AK9: variants seen among roughly 807,000 people sequenced by gnomAD.
AK9 encodes the protein adenylate kinase 9.
A neutral mutation model predicts 239.6 loss-of-function variants in AK9; 191 were observed. That is an observed-to-expected ratio of 0.80 (90% confidence interval 0.71 to 0.90). The LOEUF is 0.90. Among genes scored for constraint, AK9 ranks in the 40% least tolerant of loss-of-function variants. AK9 has a pLI of 0.00. For missense variants in AK9, 1,995 were observed against 2,214.7 expected (o/e 0.90, Z 1.99); for synonymous variants, 689 against 721.0 (o/e 0.96, Z 0.71).
At position 109,506,407 on chromosome 6, in the gene AK9, C is replaced by T. The variant is rs376816025; in HGVS notation, c.4769G>A (p.Trp1590Ter). 1 of 1,613,676 alleles carries T rather than the reference C, an allele frequency of 6.2e-7. No individual in the cohort carries two copies. The highest frequency in any genetic ancestry group is 8.5e-7 in the Non-Finnish European group (1 of 1,179,952). ...WYVIDGFHSK[W>*]WVWNEVIKNV... The stretch of plus-strand genomic sequence containing the variant: ...CTTAATGACTTCATTCCATACCCAC[C>T]ATTTGCTGTGAAATCCATCAATCAC... Residue 1590 changes from tryptophan to a stop codon, truncating the protein, a stop_gained, in exon 35 of 41, where the codon TGG (tryptophan) becomes TAG (stop). Transcript: ENST00000424296. LOFTEE classifies it high-confidence loss of function.
chr6:109,555,143 G>T (rs775153909), intron 24 of AK9, among the ~76,000 whole-genome samples: 1 of 152,104 alleles, frequency 6.6e-6, no homozygotes, highest in Non-Finnish European at 1.5e-5. Context: ...TCTGATGTGG[G>T]CATTTAGTGC....
chr6:109,582,673 T>G (rs1246646602), intron 19 of AK9, among the ~76,000 whole-genome samples: 2 of 152,146 alleles, frequency 1.3e-5, no homozygotes, highest in African/African-American at 4.8e-5. Flanking sequence ...AACAAAAAAT[T>G]TAGAATACCA....
intron 17 of AK9, among the ~76,000 whole-genome samples, chr6:109,603,802 A>G (rs1012581190): frequency 7.2e-5 from 11 of 152,124 alleles, no homozygotes; most frequent in African/African-American, 1.4e-4. Context: ...TCACTGGCAC[A>G]TTGCAGTTCG....
At chr6:109,663,145 T>G (rs1800660589) in intron 5 of AK9, among the ~76,000 whole-genome samples, 1 of 152,182 alleles carries the variant, frequency 6.6e-6, no homozygotes, top group Admixed American at 6.5e-5. Flanking sequence ...ATTTTCTGTT[T>G]TTTAAACAGC....
chr6:109,600,506 C>A (rs570652712), intron 17 of AK9, among the ~76,000 whole-genome samples: 1 of 152,188 alleles, frequency 6.6e-6, no homozygotes, highest in South Asian at 2.1e-4. Context: ...ATTTTTGCAT[C>A]GATGTTCATC....
Position 109,672,158 on chromosome 6 carries a change from A to G in AK9, c.191T>C (p.Ile64Thr). 1.9e-6 allele frequency: 3 copies of G among 1,612,594 alleles called. No homozygotes were observed. The highest frequency in any genetic ancestry group is 2.5e-6 in the Non-Finnish European group (3 of 1,179,242). ...TTCAGCAGCAATCTGTTCTTCTAAA[A>G]TTGGCAAAGCTAAAACATGAATTCA... ...WKCIRVEALPILEEQIAAETE... is the reference protein window; with the variant it reads ...WKCIRVEALPTLEEQIAAETE... Residue 64 changes from isoleucine to threonine, a missense_variant, in exon 4 of 41, where the codon ATT (isoleucine) becomes ACT (threonine). Transcript: ENST00000424296.
chr6:109,664,626 T>C (rs1215094099), intron 5 of AK9, among the ~76,000 whole-genome samples: 1 of 148,122 alleles, frequency 6.8e-6, no homozygotes, highest in Non-Finnish European at 1.5e-5. Flanking sequence ...GGTTTCACCA[T>C]GTTGGCCAGG....
intron 28 of AK9, among the ~76,000 whole-genome samples, chr6:109,530,451 T>C (rs1445004994): frequency 6.6e-6 from 1 of 152,248 alleles, no homozygotes; most frequent in Non-Finnish European, 1.5e-5. Context: ...CATTATTTCA[T>C]TTTATAAAAA....
At chr6:109,636,993 C>G (rs1796797053) in intron 10 of AK9, among the ~76,000 whole-genome samples, 1 of 152,134 alleles carries the variant, frequency 6.6e-6, no homozygotes, top group Non-Finnish European at 1.5e-5. Flanking sequence ...TTTTAAACAG[C>G]AGCTGTACCA....
At chr6:109,641,436 T>A in intron 10 of AK9, 82 bp downstream of exon 10, 1 of 1,052,720 alleles carries the variant, frequency 9.5e-7, no homozygotes, top group Non-Finnish European at 1.4e-6. Flanking sequence ...GATCCTCCCA[T>A]GGGATTACAG....
In AK9 at chr6:109,639,270, G is replaced by A. The variant is rs543385141; in HGVS notation, c.933+2248C>T. On this transcript the variant is annotated intron_variant, in intron 10 of 40. Transcript: ENST00000424296. ...TGAACTAATCTACACTCCCACCAAC[G>A]GTGTAAAAGTGTTCCTATTTCTCCA... Among the ~76,000 whole-genome samples the A allele has an allele frequency of 4.6e-5, 7 of 152,264 alleles. No individual in the cohort carries two copies. In the East Asian group the frequency reaches 5.8e-4, roughly 13 times the overall value.
intron 8 of AK9, among the ~76,000 whole-genome samples, chr6:109,645,794 AC>A (rs1446254158): frequency 6.6e-6 from 1 of 152,156 alleles, no homozygotes; most frequent in African/African-American, 2.4e-5. Flanking sequence ...TAACTTGGAG[AC>A]ACCTCCCAGT....
At chr6:109,667,824 C>G (rs1050825505) in intron 5 of AK9, among the ~76,000 whole-genome samples, 4 of 152,078 alleles carry the variant, frequency 2.6e-5, no homozygotes, top group Non-Finnish European at 1.5e-5. Flanking sequence ...TGGGTTGGTT[C>G]CAAGTCTTTG....
At chr6:109,557,945 A>C (rs977266026) in intron 24 of AK9, among the ~76,000 whole-genome samples, 4 of 152,180 alleles carry the variant, frequency 2.6e-5, no homozygotes, top group Non-Finnish European at 5.9e-5. Context: ...TCACTATCTA[A>C]TAGTGTCTCA....
At chr6:109,649,709 TTC>T (rs1357989339) in intron 8 of AK9, among the ~76,000 whole-genome samples, 2 of 152,212 alleles carry the variant, frequency 1.3e-5, no homozygotes, top group African/African-American at 2.4e-5. Flanking sequence ...ACCAATGACT[TTC>T]TTCACAGAAT....
chr6:109,625,212 A>C (rs897246922), intron 12 of AK9, among the ~76,000 whole-genome samples: 1 of 152,218 alleles, frequency 6.6e-6, no homozygotes, highest in Non-Finnish European at 1.5e-5. Flanking sequence ...TCAGAAGGCC[A>C]GAAGTGTCTT....
intron 33 of AK9, among the ~76,000 whole-genome samples, chr6:109,507,259 C>T (rs1308427820): frequency 6.6e-6 from 1 of 151,852 alleles, no homozygotes; most frequent in Non-Finnish European, 1.5e-5. Context: ...GATTGGAGAT[C>T]AGGTATGTAA....
At position 109,502,811 on chromosome 6, in the gene AK9, C is replaced by T. The variant is rs552272208; in HGVS notation, c.4849+3516G>A. Among the ~76,000 whole-genome samples the T allele has an allele frequency of 5.3e-5, 8 of 152,274 alleles. No homozygotes were observed. The East Asian group carries it at 9.6e-4, about 18-fold the overall frequency. Reference sequence around the variant, plus strand: ...TAACACTTAAGGAACGGAATCTTACCGACATCACATGAGTGAGCATGGCAG... The same window carrying T: ...TAACACTTAAGGAACGGAATCTTACTGACATCACATGAGTGAGCATGGCAG... On this transcript the variant is annotated intron_variant, in intron 35 of 40. Transcript: ENST00000424296.
intron 19 of AK9, among the ~76,000 whole-genome samples, chr6:109,580,556 G>A (rs1788701999): frequency 6.6e-6 from 1 of 152,108 alleles, no homozygotes; most frequent in Non-Finnish European, 1.5e-5. Flanking sequence ...CATACACTGG[G>A]GGCACAGCTT....
Sources: allele counts gnomAD v4.1 joint callset (sites outside exome capture counted in the v4.1 genomes callset), GRCh38; gene constraint gnomAD v4.1.1; transcripts MANE v1.5; gene names NCBI Gene and HGNC (gene_info 2026-07-23, HGNC 2026-07-21).